WFDC8: variants seen among roughly 807,000 people sequenced by gnomAD.
WFDC8 encodes WAP four-disulfide core domain 8.
Under a neutral mutation model 27.0 loss-of-function variants are expected in WFDC8, and 24 were observed. The observed-to-expected ratio is 0.89, with a 90% CI of 0.64 to 1.25. The LOEUF (loss-of-function observed/expected upper bound fraction) is 1.25, where lower values mean the gene tolerates loss of function less well. WFDC8 is among the 50% of genes most tolerant of loss of function. The pLI, the probability that WFDC8 is intolerant of heterozygous loss-of-function variation, is 0.00. For missense variants in WFDC8, 287 were observed against 295.9 expected (o/e 0.97, Z 0.22); for synonymous variants, 106 against 99.7 (o/e 1.06, Z -0.38).
At chr20:45,577,609 A>G (rs1162534108) in intron 1 of WFDC8, among the ~76,000 whole-genome samples, 1 of 149,728 alleles carries the variant, frequency 6.7e-6, no homozygotes, top group African/African-American at 2.4e-5. Context: ...TGTGTTGGCC[A>G]GGATGGTCTC....
intron 1 of WFDC8, among the ~76,000 whole-genome samples, chr20:45,569,611 A>T (rs538805003): frequency 6.6e-6 from 1 of 152,264 alleles, no homozygotes; most frequent in Admixed American, 6.5e-5. Context: ...CAGGATTTTT[A>T]TGGTTTTGGG....
intron 1 of WFDC8, among the ~76,000 whole-genome samples, chr20:45,563,687 A>G (rs1340264038): frequency 6.6e-6 from 1 of 152,254 alleles, no homozygotes; most frequent in East Asian, 1.9e-4. Context: ...CCCTAGTTAG[A>G]GACTGTGTAA....
chr20:45,554,397 T>A (rs1405954101), intron 4 of WFDC8, among the ~76,000 whole-genome samples: 2 of 152,090 alleles, frequency 1.3e-5, no homozygotes, highest in East Asian at 3.9e-4. Flanking sequence ...GAGCAGATAG[T>A]GGATTTTAGG....
At chr20:45,571,720 G>T (rs1007615013) in intron 1 of WFDC8, among the ~76,000 whole-genome samples, 1 of 152,174 alleles carries the variant, frequency 6.6e-6, no homozygotes, top group Non-Finnish European at 1.5e-5. Context: ...ATGTAAGTGA[G>T]ACATGCAATA....
intron 1 of WFDC8, chr20:45,568,326 C>T (rs537780647): frequency 7.8e-5 from 19 of 243,314 alleles, no homozygotes; most frequent in Non-Finnish European, 1.6e-4. Context: ...GATTGTGCTT[C>T]ATAAGTGTCT....
chr20:45,563,878 G>A (rs6094168), intron 1 of WFDC8, among the ~76,000 whole-genome samples: 5 of 152,014 alleles, frequency 3.3e-5, no homozygotes, highest in African/African-American at 1.2e-4. Context: ...AGCAGATCTC[G>A]TGGGATGGAG....
Position 45,552,144 on chromosome 20 carries a change from C to G in WFDC8, c.608G>C (p.Arg203Pro). 6.2e-7 allele frequency: 1 copy of G among 1,613,936 alleles called. No individual in the cohort carries two copies. The highest frequency in any genetic ancestry group is 2.2e-5 in the East Asian group (1 of 44,878). Residue 203 changes from arginine (R) to proline (P), a missense_variant, in exon 6 of 6, where the codon CGC (arginine) becomes CCC (proline). Transcript: ENST00000289953. ...AATCTTGGTACATAGCAAGGGCTTG[C>G]GTGGGCAGAAACCTTTTTTGACTTT... ...AWTVKKGFCPRKPLLCTKIDK... is the reference protein window; with the variant it reads ...AWTVKKGFCPPKPLLCTKIDK...
chr20:45,553,081 A>G, intron 5 of WFDC8, 55 bp downstream of exon 5: 3 of 1,567,836 alleles, frequency 1.9e-6, no homozygotes, highest in Non-Finnish European at 2.6e-6. Context: ...TGGAGACAGC[A>G]TGACATCCTT....
intron 1 of WFDC8, chr20:45,567,948 C>T (rs1332739219): frequency 4.6e-6 from 1 of 216,866 alleles, no homozygotes; most frequent in East Asian, 1.1e-4. Context: ...GCTTCAGCCT[C>T]CTGAGTAGCT....
intron 4 of WFDC8, among the ~76,000 whole-genome samples, chr20:45,553,991 T>C (rs1980146972): frequency 6.6e-6 from 1 of 152,120 alleles, no homozygotes; most frequent in African/African-American, 2.4e-5. Flanking sequence ...TTTATGTTTA[T>C]GTTGAGCTTA....
rs994111823 is a variant in WFDC8 at position 45,572,569 on chromosome 20, A to G, written c.26+6653T>C. ...ATGTTGAGCATTTTCTCATAAACCT[A>G]TTGGCTATTTGAATGCCTTATTTAT... On this transcript the variant is annotated intron_variant, in intron 1 of 5. Coordinates refer to ENST00000289953, the MANE Select transcript of WFDC8 (RefSeq NM_130896.3). Among the ~76,000 whole-genome samples the G allele has an allele frequency of 6.6e-5, 10 of 152,128 alleles. No homozygotes were observed. The South Asian group carries it at 1.5e-3, about 22-fold the overall frequency.
chr20:45,552,752 G>T (rs980202962), intron 5 of WFDC8, among the ~76,000 whole-genome samples: 1 of 152,176 alleles, frequency 6.6e-6, no homozygotes, highest in Non-Finnish European at 1.5e-5. Flanking sequence ...CATCTTACAG[G>T]ATATGAATAT....
chr20:45,575,007 G>T (rs1031785784), intron 1 of WFDC8, among the ~76,000 whole-genome samples: 1 of 152,008 alleles, frequency 6.6e-6, no homozygotes, highest in African/African-American at 2.4e-5. Flanking sequence ...AACAAATTAG[G>T]TATAGAAGGA....
chr20:45,562,175 G>A lies in WFDC8; in HGVS notation c.71C>T (p.Ala24Val), dbSNP rs1300408915. 9.3e-6 allele frequency: 15 copies of A among 1,614,206 alleles called. No homozygotes were observed. Among genetic ancestry groups the A allele is most frequent in the Admixed American group, 1.7e-5 (1 of 60,028 alleles). ...AGCAAGGGAGAGAAGCAGCAGGAAA[G>A]CTACATTCCTCCAGGAGAAGGTGGG... Reference protein sequence around the residue: ...HSPTFSWRNVAFLLLLSLALE... With the variant: ...HSPTFSWRNVVFLLLLSLALE... The change falls in exon 2 of 6, where the codon GCT becomes GTT. Residue 24 changes from alanine (A) to valine (V), a missense_variant. Transcript: ENST00000289953.
At position 45,558,867 on chromosome 20, in the gene WFDC8, T is replaced by A. The variant is rs766699876; in HGVS notation, c.262A>T (p.Met88Leu). The A allele has an allele frequency of 6.2e-7, 1 of 1,614,192 alleles. No homozygotes were observed. Among genetic ancestry groups the A allele is most frequent in the Non-Finnish European group, 8.5e-7 (1 of 1,180,024 alleles). ...ACATCGCTACCTTGAAAGGGATCCA[T>A]GCACTTCTTCTGACAGGCAAAAAAG... is the stretch of plus-strand genomic sequence containing the variant. ...CCFFACQKKC[M>L]DPFQEPCMLP... Residue 88 changes from methionine (M) to leucine (L), a missense_variant, in exon 3 of 6, where the codon ATG (methionine) becomes TTG (leucine). By Grantham distance (15) the Met-to-Leu change is conservative (BLOSUM62 2). Coordinates refer to ENST00000289953, the MANE Select transcript of WFDC8 (RefSeq NM_130896.3).
intron 3 of WFDC8, among the ~76,000 whole-genome samples, 167 bp from the exon 4 acceptor site, chr20:45,556,035 T>C (rs570860698): frequency 1.7e-4 from 26 of 152,150 alleles, no homozygotes; most frequent in Non-Finnish European, 2.4e-4. Context: ...CTACTACTAA[T>C]AGTCTATGTT....
At chr20:45,562,023 A>C in intron 2 of WFDC8, 87 bp downstream of exon 2, 1 of 1,252,684 alleles carries the variant, frequency 8.0e-7, no homozygotes, top group South Asian at 1.3e-5. Flanking sequence ...AGGGGGCCTC[A>C]TCTGACACTG....
intron 1 of WFDC8, among the ~76,000 whole-genome samples, chr20:45,569,587 C>T (rs6032332): frequency 0.018 from 2,753 of 152,050 alleles, 80 homozygotes; most frequent in African/African-American, 0.057. Context: ...AATGGCATTG[C>T]CTAGGTTGTC....
At chr20:45,563,159 A>T (rs73908129) in intron 1 of WFDC8, among the ~76,000 whole-genome samples, 3,718 of 152,216 alleles carry the variant, frequency 0.024, 140 homozygotes, top group African/African-American at 0.078. Context: ...CTAATCATGT[A>T]TCCTCTTCAA....
Sources: gnomAD v4.1 joint callset for allele counts (sites outside exome capture counted in the v4.1 genomes callset) on GRCh38, gnomAD v4.1.1 for gene constraint, MANE v1.5 for transcripts, NCBI Gene and HGNC (gene_info 2026-07-23, HGNC 2026-07-21) for gene names.